SYT13: variants seen among roughly 807,000 people sequenced by gnomAD.
The protein encoded by SYT13 is synaptotagmin-13.
Under a neutral mutation model 38.6 loss-of-function variants are expected in SYT13, and 21 were observed. That is an observed-to-expected ratio of 0.54 (90% CI 0.39 to 0.78). The LOEUF (loss-of-function observed/expected upper bound fraction) is 0.78. Among genes scored for constraint, SYT13 ranks in the 30% least tolerant of loss-of-function variants. SYT13 has a pLI of 0.00. For missense variants in SYT13, 495 were observed against 548.7 expected (o/e 0.90, Z 0.98); for synonymous variants, 241 against 237.6 (o/e 1.01, Z -0.13).
intron 1 of SYT13, among the ~76,000 whole-genome samples, chr11:45,268,376 A>G (rs1590524462): frequency 2.1e-5 from 1 of 47,012 alleles, no homozygotes; most frequent in East Asian, 6.8e-4. Context: ...GATGGTAATG[A>G]GGTCGGTTGA....
rs1017855116 is a variant in SYT13, at chr11:45,286,308, T to A, written c.-101A>T. The A allele has an allele frequency of 1.1e-5, 15 of 1,349,060 alleles. No homozygotes were observed. The highest frequency in any genetic ancestry group is 1.1e-4 in the South Asian group (7 of 65,146). 83.6% of individuals were successfully genotyped at this position (1,349,060 alleles called of 1,614,324 possible). A position where few individuals can be genotyped will look rare whatever the true frequency, so the allele number is the denominator to read the frequency against. On this transcript the variant is annotated 5_prime_UTR_variant, in exon 1 of 6. Transcript: ENST00000020926. ...CCCGGGATCCGGGCGAGCCAGCAGC[T>A]CTCCCGCCGCCAGAGGGGCGGGGAC...
In SYT13 at chr11:45,260,814, G is replaced by T. The variant is rs371274710; in HGVS notation, c.184-4923C>A. 1.2e-4 allele frequency among the ~76,000 whole-genome samples: 18 copies of T among 152,186 alleles called. 1 individual carries two copies. The highest frequency in any genetic ancestry group is 7.7e-4 in the East Asian group (4 of 5,166). ...CGCCTCACCTGTCCCTGGGACCTTT[G>T]GCTGCTTGCTCCCCCCACTGTGTCC... On this transcript the variant is annotated intron_variant, in intron 1 of 5. Coordinates refer to ENST00000020926, the MANE Select transcript of SYT13 (RefSeq NM_020826.3).
Position 45,254,315 on chromosome 11 carries a change from C to T in SYT13, c.499G>A (p.Asp167Asn), listed in dbSNP as rs201446387. The change falls in exon 3 of 6, where the codon GAC becomes AAC. Residue 167 changes from aspartate to asparagine, a missense_variant. Physicochemically the swap from Asp to Asn is conservative, Grantham distance 23 (BLOSUM62 1). Coordinates refer to ENST00000020926, the MANE Select transcript of SYT13 (RefSeq NM_020826.3). The stretch of plus-strand genomic sequence containing the variant: ...AATTCTGCCTTCTGACAGTCATAGT[C>T]CAGGCAGTAGTGGAGTTTGGGGGCC... The part of the protein sequence containing the change: ...NQAPKLHYCL[D>N]YDCQKAELFV... 249 of 1,613,456 alleles carry T rather than the reference C, an allele frequency of 1.5e-4. No individual in the cohort carries two copies. Among genetic ancestry groups the T allele is most frequent in the Admixed American group, 4.8e-4 (29 of 59,912 alleles).
chr11:45,252,353 G>T lies in SYT13; in HGVS notation c.846+68C>A. 1 of 1,487,924 alleles carries T rather than the reference G, an allele frequency of 6.7e-7. No homozygotes were observed. Among genetic ancestry groups the T allele is most frequent in the Non-Finnish European group, 8.9e-7 (1 of 1,118,222 alleles). The allele number at this position is 1,487,924 out of a possible 1,614,324, so 92.2% of individuals were successfully genotyped here. A position where few individuals can be genotyped will look rare whatever the true frequency, so the allele number is the denominator to read the frequency against. On this transcript the variant is annotated intron_variant, in intron 4 of 5. Transcript: ENST00000020926. The surrounding 1 kb of genome is among the most constrained non-coding windows in gnomAD (Gnocchi z 4.3). The stretch of plus-strand genomic sequence containing the variant: ...TTCCCTAAGACTGAGTTGCTGGGAG[G>T]ACACCAGGTTCTGCCATCCCATGCT...
intron 1 of SYT13, among the ~76,000 whole-genome samples, chr11:45,259,972 C>T (rs1194065897): frequency 2.6e-5 from 4 of 152,250 alleles, no homozygotes; most frequent in Middle Eastern, 3.2e-3. Context: ...GTGAGTAGTA[C>T]TGTTCTTATT....
chr11:45,279,889 CA>C (rs1196931231), intron 1 of SYT13, among the ~76,000 whole-genome samples: 2 of 152,124 alleles, frequency 1.3e-5, no homozygotes, highest in Non-Finnish European at 2.9e-5. Context: ...CATTAAGGTA[CA>C]GGGGAGACTT....
At chr11:45,245,388 A>G (rs2863176) in intron 5 of SYT13, among the ~76,000 whole-genome samples, 71,610 of 152,068 alleles carry the variant, frequency 0.47, 17,541 homozygotes, top group Middle Eastern at 0.56. Flanking sequence ...GTTGTACTGT[A>G]ATTGTCCTGA....
intron 1 of SYT13, among the ~76,000 whole-genome samples, chr11:45,285,591 T>G (rs930831791): frequency 1.3e-5 from 2 of 152,044 alleles, no homozygotes; most frequent in African/African-American, 4.8e-5. Flanking sequence ...CCCATCTCCC[T>G]CTCACAGACC....
At chr11:45,285,377 C>A (rs1367518098) in intron 1 of SYT13, among the ~76,000 whole-genome samples, 1 of 152,198 alleles carries the variant, frequency 6.6e-6, no homozygotes, top group Non-Finnish European at 1.5e-5. Flanking sequence ...GGAGGCCATA[C>A]CAACCCCCTC....
chr11:45,282,005 C>A (rs1393605962), intron 1 of SYT13, among the ~76,000 whole-genome samples: 1 of 152,150 alleles, frequency 6.6e-6, no homozygotes, highest in East Asian at 1.9e-4. Flanking sequence ...TATGAAAGGT[C>A]CCAGAAGTGG....
intron 1 of SYT13, among the ~76,000 whole-genome samples, chr11:45,282,847 C>T (rs1855090008): frequency 6.6e-6 from 1 of 152,128 alleles, no homozygotes; most frequent in South Asian, 2.1e-4. Flanking sequence ...TTTGTGGACC[C>T]AGATTAAGAA....
rs1372768253 is a variant in SYT13 at position 45,242,159 on chromosome 11, C to T, written c.*1893G>A. On this transcript the variant is annotated 3_prime_UTR_variant, in exon 6 of 6. Transcript: ENST00000020926. ...GTCTTAGGGAAGTGGATTAGGGTGA[C>T]ATCTGAAGGCCCAGAGTTTTAATAT... 3 of 152,172 alleles carry T rather than the reference C, an allele frequency of 2.0e-5. No homozygotes were observed. Among genetic ancestry groups the T allele is most frequent in the Non-Finnish European group, 4.4e-5 (3 of 68,028 alleles). 9.4% of individuals were successfully genotyped at this position (152,172 alleles called of 1,614,324 possible).
chr11:45,252,504 C>A lies in SYT13; in HGVS notation c.763G>T (p.Ala255Ser), dbSNP rs759772969. ...TCDRFSRHSV[A>S]GELRLGLDGT... ...TCCAGGCCCAGGCGGAGCTCCCCGG[C>A]CACGCTGTGACGGGAGAAGCGGTCG... The change falls in exon 4 of 6, where the codon GCC (alanine) becomes TCC (serine). Residue 255 changes from alanine (A) to serine (S), a missense_variant. Physicochemically the swap from Ala to Ser is moderately conservative, Grantham distance 99. Coordinates refer to ENST00000020926, the MANE Select transcript of SYT13 (RefSeq NM_020826.3). The surrounding 1 kb of genome is among the most constrained non-coding windows in gnomAD (Gnocchi z 4.3). 1 of 1,613,898 alleles carries A rather than the reference C, an allele frequency of 6.2e-7. No homozygotes were observed. The highest frequency in any genetic ancestry group is 8.5e-7 in the Non-Finnish European group (1 of 1,179,978).
At position 45,268,278 on chromosome 11, in the gene SYT13, T is replaced by C. The variant is rs182001971; in HGVS notation, c.184-12387A>G. Among the ~76,000 whole-genome samples, 614 of 151,166 alleles carry C rather than the reference T, an allele frequency of 4.1e-3. 5 individuals are homozygous for C. Among genetic ancestry groups the C allele is most frequent in the African/African-American group, 0.014 (585 of 41,112 alleles). ...CTGTCTGATCACTGTCCTTATGGAGTGGACATTTCCAGTGGGGTAGACAGC... is the reference window on the plus strand; with the variant it reads ...CTGTCTGATCACTGTCCTTATGGAGCGGACATTTCCAGTGGGGTAGACAGC... On this transcript the variant is annotated intron_variant, in intron 1 of 5. Transcript: ENST00000020926.
intron 4 of SYT13, among the ~76,000 whole-genome samples, chr11:45,250,504 T>G (rs545417752): frequency 2.6e-5 from 4 of 152,304 alleles, no homozygotes; most frequent in African/African-American, 9.6e-5. Context: ...TTTCTGCCCT[T>G]TGGGGCTGTA....
chr11:45,246,554 G>A, intron 4 of SYT13, 42 bp from the exon 5 acceptor site: 3 of 1,605,296 alleles, frequency 1.9e-6, no homozygotes, highest in Non-Finnish European at 2.6e-6. Context: ...TCTCACCTGG[G>A]GACGCCTTCC....
chr11:45,252,637 T>C lies in SYT13; in HGVS notation c.630A>G (p.Thr210=), dbSNP rs565640740. 1 of 1,613,858 alleles carries C rather than the reference T, an allele frequency of 6.2e-7. No homozygotes were observed. The highest frequency in any genetic ancestry group is 1.1e-5 in the South Asian group (1 of 91,064). ...ANRTGSVEAQ[T]ALKKRQLHTT... ...TGTGCAGCTGCCGCTTCTTTAGGGC[T>C]GTCTGAGCCTCCACAGAGCCGGTCC... The change falls in exon 4 of 6, where the codon ACA becomes ACG. Residue 210 remains threonine, a synonymous_variant. Coordinates refer to ENST00000020926, the MANE Select transcript of SYT13 (RefSeq NM_020826.3). The surrounding 1 kb of genome is among the most constrained non-coding windows in gnomAD (Gnocchi z 4.3).
intron 4 of SYT13, among the ~76,000 whole-genome samples, chr11:45,251,328 G>T (rs1330117035): frequency 7.0e-6 from 1 of 143,270 alleles, no homozygotes; most frequent in African/African-American, 2.6e-5. Flanking sequence ...GGCAGAGGTT[G>T]CAGTGAGCCG....
intron 1 of SYT13, among the ~76,000 whole-genome samples, chr11:45,257,095 A>G (rs549548181): frequency 6.6e-6 from 1 of 152,280 alleles, no homozygotes; most frequent in East Asian, 1.9e-4. Flanking sequence ...CACTTGCCCA[A>G]TTGTGTGCTC....
Sources: gnomAD v4.1 joint callset for allele counts (sites outside exome capture counted in the v4.1 genomes callset) on GRCh38, gnomAD v4.1.1 for gene constraint, Gnocchi (gnomAD v3.1) non-coding constraint, MANE v1.5 for transcripts, NCBI Gene and HGNC (gene_info 2026-07-23, HGNC 2026-07-21) for gene names.